The following RBFOX1 variants were observed in gnomAD, a reference collection of about 807,000 sequenced individuals.
RBFOX1 encodes RNA binding protein fox-1 homolog 1.
In RBFOX1, 8 loss-of-function variants were observed where a neutral mutation model predicts 57.7. The observed-to-expected ratio is 0.14, with a 90% CI of 0.08 to 0.25. The LOEUF is 0.25. Ranked by LOEUF, RBFOX1 falls within the 10% of genes least tolerant of loss-of-function variation. The probability of loss-of-function intolerance (pLI) is 1.00; values close to 1 mark genes in which losing one functional copy is unlikely to be tolerated. For missense variants in RBFOX1, 611 were observed against 548.5 expected (o/e 1.11, Z -1.14); for synonymous variants, 326 against 222.4 (o/e 1.47, Z -4.15).
chr16:6,751,753 G>C (rs564626209), intron 3 of RBFOX1, among the ~76,000 whole-genome samples: 1 of 152,236 alleles, frequency 6.6e-6, no homozygotes, highest in East Asian at 1.9e-4. Flanking sequence ...AACCTGCGTT[G>C]TTTACTGCCC....
At chr16:6,433,529 A>G (rs1041212321) in intron 2 of RBFOX1, among the ~76,000 whole-genome samples, 3 of 152,292 alleles carry the variant, frequency 2.0e-5, no homozygotes, top group African/African-American at 7.2e-5. Flanking sequence ...TGTATTTCAT[A>G]GTTTCTCATT....
intron 4 of RBFOX1, among the ~76,000 whole-genome samples, chr16:7,308,089 C>G (rs749399845): frequency 1.1e-4 from 16 of 152,044 alleles, no homozygotes; most frequent in Non-Finnish European, 2.2e-4. Flanking sequence ...TTTTGTTTTC[C>G]TGATAGAGAA....
chr16:5,428,570 A>G (rs1347499343), intron 1 of RBFOX1, among the ~76,000 whole-genome samples: 2 of 152,142 alleles, frequency 1.3e-5, no homozygotes, highest in African/African-American at 4.8e-5. Context: ...GGAGACAAAC[A>G]GGCAGCTGAA....
At chr16:6,292,028 C>T (rs1253059296) in intron 1 of RBFOX1, among the ~76,000 whole-genome samples, 1 of 152,038 alleles carries the variant, frequency 6.6e-6, no homozygotes, top group Non-Finnish European at 1.5e-5. Flanking sequence ...AAAAAAATGG[C>T]TTTATGTCCA....
At chr16:7,407,497 C>G (rs1180199690) in intron 4 of RBFOX1, among the ~76,000 whole-genome samples, 1 of 151,822 alleles carries the variant, frequency 6.6e-6, no homozygotes, top group Non-Finnish European at 1.5e-5. Flanking sequence ...CAATCATATG[C>G]ATCTTTGTAT....
intron 1 of RBFOX1, among the ~76,000 whole-genome samples, chr16:6,222,038 C>T (rs2097377400): frequency 6.6e-6 from 1 of 152,182 alleles, no homozygotes; most frequent in Non-Finnish European, 1.5e-5. Flanking sequence ...AAGTCATGCA[C>T]AAGACACCAT....
intron 5 of RBFOX1, among the ~76,000 whole-genome samples, chr16:7,528,143 A>G (rs2079119569): frequency 6.6e-6 from 1 of 152,202 alleles, no homozygotes; most frequent in Non-Finnish European, 1.5e-5. Flanking sequence ...TAAATGAGGA[A>G]TGCTCAGGCA....
intron 4 of RBFOX1, among the ~76,000 whole-genome samples, chr16:7,282,067 A>C (rs6500944): frequency 0.13 from 19,528 of 151,556 alleles, 1,739 homozygotes; most frequent in South Asian, 0.24. Context: ...CAGGGTTTCT[A>C]TTTGTTGCCC....
intron 1 of RBFOX1, among the ~76,000 whole-genome samples, chr16:6,256,595 AACAT>A (rs2097668940): frequency 6.6e-6 from 1 of 152,066 alleles, no homozygotes. Flanking sequence ...TCAATATGTC[AACAT>A]GTGCTTAGGA....
downstream of RBFOX1, among the ~76,000 whole-genome samples, chr16:5,603,171 G>T (rs757549439): frequency 6.6e-6 from 1 of 152,108 alleles, no homozygotes; most frequent in Non-Finnish European, 1.5e-5. Flanking sequence ...GGCTTTCCCT[G>T]GATGCAGAAA....
chr16:5,796,406 C>G (rs2054879978), intron 3 of RBFOX1, among the ~76,000 whole-genome samples: 2 of 152,084 alleles, frequency 1.3e-5, no homozygotes, highest in African/African-American at 4.8e-5. Context: ...GATCAAGTAT[C>G]CAGGGTTTGT....
chr16:6,821,234 T>A (rs538769605), intron 3 of RBFOX1, among the ~76,000 whole-genome samples: 1 of 152,300 alleles, frequency 6.6e-6, no homozygotes, highest in African/African-American at 2.4e-5. Flanking sequence ...TGTAGCTGTT[T>A]TAAATATGGT....
At chr16:7,156,301 G>T (rs1000916297) in intron 4 of RBFOX1, among the ~76,000 whole-genome samples, 1 of 145,602 alleles carries the variant, frequency 6.9e-6, no homozygotes. Context: ...GATATAGGTA[G>T]TGTATTATAC....
At chr16:7,170,864 C>T (rs1309272962) in intron 4 of RBFOX1, among the ~76,000 whole-genome samples, 1 of 152,190 alleles carries the variant, frequency 6.6e-6, no homozygotes, top group African/African-American at 2.4e-5. Flanking sequence ...GCTGTCTGCT[C>T]TGCGCAGTTG....
At chr16:6,635,079 TTATATATCA>T (rs2098420970) in intron 2 of RBFOX1, among the ~76,000 whole-genome samples, 1 of 52,406 alleles carries the variant, frequency 1.9e-5, no homozygotes, top group Non-Finnish European at 5.8e-5. Flanking sequence ...ATATTTTAAT[TTATATATCA>T]TATATATTAT....
chr16:7,018,022 G>A (rs1327747563), intron 3 of RBFOX1, among the ~76,000 whole-genome samples: 1 of 152,064 alleles, frequency 6.6e-6, no homozygotes, highest in African/African-American at 2.4e-5. Context: ...TATCATTTAG[G>A]AGGTTGTCAT....
intron 4 of RBFOX1, among the ~76,000 whole-genome samples, chr16:7,112,998 A>G (rs569555305): frequency 1.1e-4 from 16 of 152,316 alleles, no homozygotes; most frequent in African/African-American, 3.6e-4. Flanking sequence ...TTGTTCTTAC[A>G]TGAATTCAGG....
intron 5 of RBFOX1, among the ~76,000 whole-genome samples, chr16:7,528,291 A>G (rs1288242830): frequency 1.3e-5 from 2 of 152,120 alleles, no homozygotes; most frequent in African/African-American, 2.4e-5. Context: ...ACCTGTATTT[A>G]TTGTCATCAG....
At chr16:6,504,387 T>TTGCTTTTCTGA (rs2096031135) in intron 2 of RBFOX1, among the ~76,000 whole-genome samples, 1 of 152,230 alleles carries the variant, frequency 6.6e-6, no homozygotes, top group African/African-American at 2.4e-5. Flanking sequence ...TCTAATGTGT[T>TTGCTTTTCTGA]TGCTTTTCTG....
Sources: gnomAD v4.1 joint callset for allele counts (sites outside exome capture counted in the v4.1 genomes callset) on GRCh38, gnomAD v4.1.1 for gene constraint, MANE v1.5 for transcripts, NCBI Gene and HGNC (gene_info 2026-07-23, HGNC 2026-07-21) for gene names.